The following HIBCH variants were observed in gnomAD, a reference collection of about 807,000 sequenced individuals.
HIBCH encodes 3-hydroxyisobutyryl-CoA hydrolase, also known as 3-hydroxyisobutyryl-CoA hydrolase, mitochondrial.
Under a neutral mutation model 58.2 loss-of-function variants are expected in HIBCH, and 50 were observed. The ratio of observed to expected loss-of-function variants is 0.86; its 90% CI spans 0.68 to 1.09. The LOEUF (loss-of-function observed/expected upper bound fraction) is 1.09. Ranked by LOEUF, HIBCH falls within the 50% of genes least tolerant of loss-of-function variation. The pLI is 0.00. For missense variants in HIBCH, 450 were observed against 449.7 expected, an observed-to-expected ratio of 1.00 and a Z score of -0.01; for synonymous variants, 151 against 146.9, an observed-to-expected ratio of 1.03 and a Z score of -0.20.
chr2:190,299,704 G>T (rs1387619472), intron 2 of HIBCH, among the ~76,000 whole-genome samples: 2 of 152,052 alleles, frequency 1.3e-5, no homozygotes, highest in East Asian at 3.9e-4. Context: ...TAGGTTCAGG[G>T]TACATGCGCA....
chr2:190,283,831 T>G (rs967605564), intron 6 of HIBCH, among the ~76,000 whole-genome samples: 3 of 152,226 alleles, frequency 2.0e-5, no homozygotes, highest in African/African-American at 4.8e-5. Flanking sequence ...GCAAATGATG[T>G]GATTATATTC....
At chr2:190,313,648 A>AC (rs1476708730) in intron 1 of HIBCH, among the ~76,000 whole-genome samples, 1 of 144,710 alleles carries the variant, frequency 6.9e-6, no homozygotes, top group African/African-American at 2.5e-5. Flanking sequence ...TCTCACAAAA[A>AC]AAAAAAAAAA....
At chr2:190,200,200 T>A, downstream of HIBCH, 1 of 1,498,346 alleles carries the variant, frequency 6.7e-7, no homozygotes, top group Non-Finnish European at 9.2e-7. Context: ...TGAATAAATG[T>A]GACAAAAGCA....
rs188974166 is a variant in HIBCH, at chr2:190,197,719, C to G, written c.*17+7381G>C. ...TCCAGTGTTGCTTGTTGCTCTATGC[C>G]TGAAAATAATGGCAACATATATTTT... On this transcript the variant is annotated intron_variant, in intron 1 of 1. Coordinates refer to the HIBCH transcript ENST00000399855. The surrounding 1 kb of genome is among the most constrained non-coding windows in gnomAD (Gnocchi z 4.0). Among the ~76,000 whole-genome samples the G allele has an allele frequency of 2.0e-3, 310 of 152,250 alleles. 2 individuals carry two copies. Among genetic ancestry groups the G allele is most frequent in the African/African-American group, 6.4e-3 (267 of 41,524 alleles).
intron 1 of HIBCH, among the ~76,000 whole-genome samples, chr2:190,191,125 A>G (rs1689690107): frequency 6.6e-6 from 1 of 152,100 alleles, no homozygotes; most frequent in South Asian, 2.1e-4. Flanking sequence ...TGTGACAGAC[A>G]TTTGCATACA....
chr2:190,227,762 T>G (rs1685954124), intron 11 of HIBCH, among the ~76,000 whole-genome samples: 1 of 152,146 alleles, frequency 6.6e-6, no homozygotes. Flanking sequence ...GAACAGCCAC[T>G]TCTCAAAAGA....
chr2:190,253,113 C>T lies in HIBCH; in HGVS notation c.518-806G>A, dbSNP rs188338951. ...CTGAGGCAGGAGAATCGCTTGAACC[C>T]GAGAGGCAGAGGTTGCAGTGAGCTA... On this transcript the variant is annotated intron_variant, in intron 7 of 13. Transcript: ENST00000359678. 1.2e-4 allele frequency among the ~76,000 whole-genome samples: 19 copies of T among 152,112 alleles called. No individual in the cohort carries two copies. The East Asian group carries it at 3.1e-3, about 25-fold the overall frequency.
chr2:190,206,974 A>G lies in HIBCH; in HGVS notation c.1046-1742T>C, dbSNP rs948020381. Among the ~76,000 whole-genome samples, 4 of 151,950 alleles carry G rather than the reference A, an allele frequency of 2.6e-5. No homozygotes were observed. Among genetic ancestry groups the G allele is most frequent in the Non-Finnish European group, 5.9e-5 (4 of 67,992 alleles). On this transcript the variant is annotated intron_variant, in intron 13 of 13. Transcript: ENST00000359678. This position sits in a 1 kb window ranked among gnomAD's most constrained non-coding sequence, Gnocchi z 5.1. ...CCCCGTCTCTACTAAAAATACAAAAAAATTAGGCGTGGTGGCAGGCGCTTT... is the reference window on the plus strand; with the variant it reads ...CCCCGTCTCTACTAAAAATACAAAAGAATTAGGCGTGGTGGCAGGCGCTTT...
chr2:190,259,041 A>C (rs1007718074), intron 7 of HIBCH, among the ~76,000 whole-genome samples: 5 of 152,130 alleles, frequency 3.3e-5, no homozygotes, highest in Admixed American at 2.6e-4. Context: ...TAGTGTTTGA[A>C]GTCAATACAA....
chr2:190,287,058 G>GTGTGTGTGTGTGTGTA (rs10662510), intron 6 of HIBCH, among the ~76,000 whole-genome samples: 11,265 of 147,296 alleles, frequency 0.076, 462 homozygotes, highest in African/African-American at 0.11. Context: ...GTGTGTGTGT[G>GTGTGTGTGTGTGTGTA]TATACATATA....
chr2:190,219,710 T>C (rs1685662015), intron 11 of HIBCH, among the ~76,000 whole-genome samples: 1 of 152,132 alleles, frequency 6.6e-6, no homozygotes, highest in Admixed American at 6.6e-5. Flanking sequence ...ACTCAGCCTA[T>C]AAGGAACCGG....
chr2:190,310,410 T>C (rs2124860680), intron 2 of HIBCH, among the ~76,000 whole-genome samples: 1 of 152,326 alleles, frequency 6.6e-6, no homozygotes, highest in Non-Finnish European at 1.5e-5. Context: ...TTAATACAAT[T>C]ATCTTATTTA....
Position 190,207,608 on chromosome 2 carries a change from C to T in HIBCH, c.1045+1272G>A, listed in dbSNP as rs1191717297. ...TAAAAAAGTATATCCAGGCTGGGCA[C>T]GGTGGCTCATGCCTGTAATCACAGC... On this transcript the variant is annotated intron_variant, in intron 13 of 13. Coordinates refer to ENST00000359678, the MANE Select transcript of HIBCH (RefSeq NM_014362.4). This position sits in a 1 kb window ranked among gnomAD's most constrained non-coding sequence, Gnocchi z 4.5. Among the ~76,000 whole-genome samples, 1 of 152,154 alleles carries T rather than the reference C, an allele frequency of 6.6e-6. No individual in the cohort carries two copies. The highest frequency in any genetic ancestry group is 2.4e-5 in the African/African-American group (1 of 41,424).
intron 3 of HIBCH, among the ~76,000 whole-genome samples, chr2:190,295,837 T>C (rs1688090350): frequency 1.3e-5 from 2 of 152,126 alleles, no homozygotes; most frequent in Admixed American, 6.5e-5. Flanking sequence ...AAAGAAGAAT[T>C]AAGGAATTGG....
chr2:190,297,042 T>C, intron 2 of HIBCH, 89 bp from the exon 3 acceptor site: 1 of 1,180,876 alleles, frequency 8.5e-7, no homozygotes, highest in East Asian at 2.4e-5. Context: ...ATGCAAATCT[T>C]GCATATTAAT....
At chr2:190,203,738 C>T (rs1690317538), downstream of HIBCH, among the ~76,000 whole-genome samples, 1 of 152,066 alleles carries the variant, frequency 6.6e-6, no homozygotes. Flanking sequence ...AAATGCTTCA[C>T]ATAAAACAGA....
chr2:190,219,982 A>T lies in HIBCH; in HGVS notation c.892-6907T>A, dbSNP rs1685671022. On this transcript the variant is annotated intron_variant, in intron 11 of 13. Coordinates refer to ENST00000359678, the MANE Select transcript of HIBCH (RefSeq NM_014362.4). ...TCTTAACTATAGTCTTCACCTAAAA[A>T]TAAATCTACTCACCTTGGAAAGAGA... Among the ~76,000 whole-genome samples, 9 of 152,372 alleles carry T rather than the reference A, an allele frequency of 5.9e-5. No individual in the cohort carries two copies. In the South Asian group the frequency reaches 1.9e-3, roughly 32 times the overall value.
intron 7 of HIBCH, among the ~76,000 whole-genome samples, chr2:190,255,833 G>GAC (rs1267776622): frequency 6.6e-6 from 1 of 151,536 alleles, no homozygotes; most frequent in African/African-American, 2.4e-5. Flanking sequence ...GGAATGGAGA[G>GAC]AGAGAGAGAG....
intron 2 of HIBCH, among the ~76,000 whole-genome samples, chr2:190,297,942 T>C (rs1688149617): frequency 6.7e-6 from 1 of 149,732 alleles, no homozygotes; most frequent in Admixed American, 6.7e-5. Context: ...TGTGTGATGT[T>C]CCTTTCCCCG....
Sources: allele counts gnomAD v4.1 joint callset (sites outside exome capture counted in the v4.1 genomes callset), GRCh38; gene constraint gnomAD v4.1.1; non-coding constraint Gnocchi (gnomAD v3.1); transcripts MANE v1.5; gene names NCBI Gene and HGNC (gene_info 2026-07-23, HGNC 2026-07-21).